Variants in NETO1 observed in about 807,000 individuals in gnomAD.
NETO1 encodes the protein neuropilin and tolloid-like protein 1.
In NETO1, 26 loss-of-function variants were observed where a neutral mutation model predicts 61.3. The ratio of observed to expected loss-of-function variants is 0.42; its 90% CI spans 0.31 to 0.59. The LOEUF (loss-of-function observed/expected upper bound fraction) is 0.59, where lower values mean the gene tolerates loss of function less well. NETO1 is among the 20% of genes least tolerant of loss of function. NETO1 has a pLI of 0.12. For missense variants in NETO1, 531 were observed against 662.8 expected (o/e 0.80, Z 2.18); for synonymous variants, 225 against 225.8 (o/e 1.00, Z 0.03).
chr18:72,847,758 T>G (rs2074132671), intron 4 of NETO1, among the ~76,000 whole-genome samples: 1 of 152,178 alleles, frequency 6.6e-6, no homozygotes, highest in South Asian at 2.1e-4. Flanking sequence ...ATTTTCAAAG[T>G]TTGGACTGGT....
chr18:72,834,813 A>G (rs1599111834), intron 4 of NETO1: 3 of 984,916 alleles, frequency 3.0e-6, no homozygotes, highest in East Asian at 2.3e-4. Flanking sequence ...CCTCAGCTGA[A>G]GAATTCACAA....
intron 4 of NETO1, among the ~76,000 whole-genome samples, chr18:72,823,865 C>T (rs2073289880): frequency 6.6e-6 from 1 of 152,036 alleles, no homozygotes; most frequent in Non-Finnish European, 1.5e-5. Context: ...CATGTGGCCA[C>T]AAAGTCTCAA....
intron 4 of NETO1, among the ~76,000 whole-genome samples, chr18:72,811,393 C>A (rs546929925): frequency 6.6e-6 from 1 of 152,230 alleles, no homozygotes; most frequent in Admixed American, 6.5e-5. Flanking sequence ...AAGAAACTCC[C>A]ATCAGCTATG....
chr18:72,762,937 A>T (rs4892043), intron 7 of NETO1, among the ~76,000 whole-genome samples: 104,814 of 152,088 alleles, frequency 0.69, 36,192 homozygotes, highest in Admixed American at 0.75. Flanking sequence ...ATAAAGGTAG[A>T]TTTACATAAT....
Position 72,783,728 on chromosome 18 carries a change from T to G in NETO1, c.818A>C (p.Glu273Ala). Residue 273 changes from glutamate to alanine, a missense_variant, in exon 7 of 11, where the codon GAG becomes GCG. Glu to Ala is a moderately radical substitution (Grantham distance 107, BLOSUM62 -1). Coordinates refer to ENST00000327305, the MANE Select transcript of NETO1 (RefSeq NM_138966.5). ...GLGVIRMWAD[E>A]GSRNSRFQML... ...CTGAAATCGGCTGTTTCGACTGCCC[T>G]CATCTGCCCACATGCGGATCACCCC... 1 of 1,614,158 alleles carries G rather than the reference T, an allele frequency of 6.2e-7. No individual in the cohort carries two copies. The highest frequency in any genetic ancestry group is 8.5e-7 in the Non-Finnish European group (1 of 1,180,026).
intron 7 of NETO1, among the ~76,000 whole-genome samples, chr18:72,757,372 G>GTA (rs2070818019): frequency 6.7e-6 from 1 of 149,818 alleles, no homozygotes; most frequent in Admixed American, 6.8e-5. Context: ...GCAACTTACT[G>GTA]TATTTTAATA....
At chr18:72,762,106 A>C (rs1381156378) in intron 7 of NETO1, among the ~76,000 whole-genome samples, 1 of 152,212 alleles carries the variant, frequency 6.6e-6, no homozygotes, top group East Asian at 1.9e-4. Flanking sequence ...TCTTAAAAGA[A>C]CATAGAATAG....
At chr18:72,805,180 G>A (rs1430502721) in intron 4 of NETO1, among the ~76,000 whole-genome samples, 1 of 152,116 alleles carries the variant, frequency 6.6e-6, no homozygotes, top group Non-Finnish European at 1.5e-5. Flanking sequence ...AATGAATCCA[G>A]TATTTTGATA....
Position 72,865,843 on chromosome 18 carries a change from C to G in NETO1, c.29-602G>C, listed in dbSNP as rs558801891. ...AATGTTCTGAACCTCCAAGTAACCC[C>G]GTCCCTCAGCACTTTCTAAGCTGTG... On this transcript the variant is annotated intron_variant, in intron 1 of 10. Transcript: ENST00000327305. 331 of 581,032 alleles carry G rather than the reference C, an allele frequency of 5.7e-4. 1 individual carries two copies. The highest frequency in any genetic ancestry group is 8.6e-5 in the Non-Finnish European group (31 of 360,006). The allele number at this position is 581,032 out of a possible 1,614,324, so 36.0% of individuals were successfully genotyped here. A position where few individuals can be genotyped will look rare whatever the true frequency, so the allele number is the denominator to read the frequency against.
intron 7 of NETO1, among the ~76,000 whole-genome samples, chr18:72,764,522 T>C (rs765426838): frequency 2.0e-5 from 3 of 152,110 alleles, no homozygotes; most frequent in Non-Finnish European, 4.4e-5. Flanking sequence ...CCTGAGGCTG[T>C]CACAGGTCCC....
intron 4 of NETO1, among the ~76,000 whole-genome samples, chr18:72,829,643 A>G (rs1371345589): frequency 1.3e-5 from 2 of 152,216 alleles, no homozygotes; most frequent in Non-Finnish European, 2.9e-5. Context: ...TTTTTAGAAT[A>G]CAAGCTAATT....
At chr18:72,819,121 C>A (rs575808817) in intron 4 of NETO1, among the ~76,000 whole-genome samples, 2 of 152,190 alleles carry the variant, frequency 1.3e-5, no homozygotes, top group South Asian at 4.1e-4. Context: ...TCCTCCCTTC[C>A]CACCTTCTGT....
At chr18:72,790,290 C>T (rs2072070457) in intron 6 of NETO1, among the ~76,000 whole-genome samples, 1 of 152,068 alleles carries the variant, frequency 6.6e-6, no homozygotes, top group African/African-American at 2.4e-5. Flanking sequence ...GGAAACATCA[C>T]ACCGTACCCC....
chr18:72,778,423 A>T (rs2071629629), intron 7 of NETO1, among the ~76,000 whole-genome samples: 1 of 152,070 alleles, frequency 6.6e-6, no homozygotes, highest in African/African-American at 2.4e-5. Flanking sequence ...TAATAATTGC[A>T]TCTCTAAATC....
intron 7 of NETO1, among the ~76,000 whole-genome samples, chr18:72,763,341 AT>A (rs1346015917): frequency 6.6e-6 from 1 of 152,130 alleles, no homozygotes; most frequent in Admixed American, 6.5e-5. Context: ...CCTTGATCAT[AT>A]TCTCCTAAAG....
At position 72,789,562 on chromosome 18, in the gene NETO1, G is replaced by A. The variant is rs140826727; in HGVS notation, c.639+4555C>T. Among the ~76,000 whole-genome samples the A allele has an allele frequency of 3.6e-4, 54 of 152,010 alleles. No homozygotes were observed. The East Asian group carries it at 6.4e-3, about 18-fold the overall frequency. ...TTATTGCATTAATATTCTATTGCTCGGTAACAAATCACCACAATTTTAGCA... is the reference window on the plus strand; with the variant it reads ...TTATTGCATTAATATTCTATTGCTCAGTAACAAATCACCACAATTTTAGCA... On this transcript the variant is annotated intron_variant, in intron 6 of 10. Transcript: ENST00000327305.
At chr18:72,789,320 T>G (rs977573773) in intron 6 of NETO1, among the ~76,000 whole-genome samples, 9 of 151,708 alleles carry the variant, frequency 5.9e-5, no homozygotes, top group African/African-American at 1.9e-4. Flanking sequence ...AGTACCAAAA[T>G]ATTTAAAGTC....
At chr18:72,821,198 G>GT (rs1162415176) in intron 4 of NETO1, among the ~76,000 whole-genome samples, 2 of 127,446 alleles carry the variant, frequency 1.6e-5, no homozygotes, top group Non-Finnish European at 3.1e-5. Context: ...TCCTGAAGCA[G>GT]TTTTTTCTTC....
At position 72,795,718 on chromosome 18, in the gene NETO1, G is replaced by A. The variant is rs189404215; in HGVS notation, c.470-1314C>T. Among the ~76,000 whole-genome samples the A allele has an allele frequency of 9.7e-3, 1,397 of 144,184 alleles. 27 individuals carry two copies. Among genetic ancestry groups the A allele is most frequent in the African/African-American group, 0.033 (1,309 of 39,108 alleles). 94.6% of individuals were successfully genotyped at this position (144,184 alleles called of 152,430 possible). Reference sequence around the variant, plus strand: ...AAATGGCTAAATCAAGATAATTCACGTCTTACCACATGTATCTATCATTTT... The same window carrying A: ...AAATGGCTAAATCAAGATAATTCACATCTTACCACATGTATCTATCATTTT... On this transcript the variant is annotated intron_variant, in intron 4 of 10. Coordinates refer to ENST00000327305, the MANE Select transcript of NETO1 (RefSeq NM_138966.5).
Sources: gnomAD v4.1 joint callset for allele counts (sites outside exome capture counted in the v4.1 genomes callset) on GRCh38, gnomAD v4.1.1 for gene constraint, MANE v1.5 for transcripts, NCBI Gene and HGNC (gene_info 2026-07-23, HGNC 2026-07-21) for gene names.